The following ACSF3 variants were observed in gnomAD, a reference collection of about 807,000 sequenced individuals.
The protein encoded by ACSF3 is malonate--CoA ligase ACSF3, mitochondrial.
A neutral mutation model predicts 53.2 loss-of-function variants in ACSF3; 78 were observed. That is an observed-to-expected ratio of 1.47 (90% CI 1.22 to 1.77). The LOEUF is 1.77. Ranked by LOEUF, ACSF3 falls within the 40% of genes most tolerant of loss-of-function variation. The pLI is 0.00. For missense variants in ACSF3, 937 were observed against 771.1 expected, an observed-to-expected ratio of 1.22 and a Z score of -2.55; for synonymous variants, 414 against 333.1, an observed-to-expected ratio of 1.24 and a Z score of -2.65.
chr16:89,136,642 T>A (rs895597724), intron 8 of ACSF3: 11 of 1,287,136 alleles, frequency 8.5e-6, no homozygotes, highest in Middle Eastern at 6.5e-4. Flanking sequence ...GAGGCCGGCC[T>A]GCAGCTCCCC....
chr16:89,135,438 G>C (rs920096356), intron 8 of ACSF3, among the ~76,000 whole-genome samples: 1 of 152,248 alleles, frequency 6.6e-6, no homozygotes, highest in East Asian at 1.9e-4. Flanking sequence ...TGAGCCCCTA[G>C]AGCAGAGGCC....
At chr16:89,118,025 G>A (rs1298348835) in intron 6 of ACSF3, among the ~76,000 whole-genome samples, 3 of 106,886 alleles carry the variant, frequency 2.8e-5, no homozygotes, top group Non-Finnish European at 6.0e-5. Flanking sequence ...TCAGGCGCCA[G>A]GGACGTTCCC....
intron 10 of ACSF3, chr16:89,147,536 GA>G (rs1311521880): frequency 5.3e-4 from 47 of 89,236 alleles, no homozygotes; most frequent in Non-Finnish European, 7.3e-4. Context: ...GGGGGGGGGG[GA>G]GGGGCCACAG....
Position 89,155,587 on chromosome 16 carries a change from G to C in ACSF3, c.*1380G>C, listed in dbSNP as rs747512145. The stretch of plus-strand genomic sequence containing the variant: ...TTGTGCATCCCCATGGCCTGACCCC[G>C]GGAACAGTCAGAGGAAGGGGTCCCG... On this transcript the variant is annotated 3_prime_UTR_variant, in exon 11 of 11. Transcript: ENST00000614302. 3 of 454,074 alleles carry C rather than the reference G, an allele frequency of 6.6e-6. No individual in the cohort carries two copies. The highest frequency in any genetic ancestry group is 3.1e-5 in the South Asian group (2 of 64,478). The allele number at this position is 454,074 out of a possible 1,614,324, so 28.1% of individuals were successfully genotyped here.
chr16:89,119,791 C>G (rs1469376998), intron 6 of ACSF3, among the ~76,000 whole-genome samples: 3 of 152,198 alleles, frequency 2.0e-5, no homozygotes, highest in African/African-American at 7.2e-5. Flanking sequence ...TCAGCAAGAC[C>G]GAGCCGGGCA....
intron 7 of ACSF3, among the ~76,000 whole-genome samples, chr16:89,127,870 G>C (rs1908467403): frequency 1.3e-5 from 2 of 152,164 alleles, no homozygotes; most frequent in South Asian, 4.1e-4. Context: ...AGGTTAATAA[G>C]GGAATTCCCA....
At chr16:89,104,117 C>T (rs1024337797) in intron 4 of ACSF3, among the ~76,000 whole-genome samples, 2 of 152,166 alleles carry the variant, frequency 1.3e-5, no homozygotes, top group Non-Finnish European at 2.9e-5. Flanking sequence ...CTTGAGCCCA[C>T]AGGAAGGACA....
chr16:89,123,115 A>G (rs1306718368), intron 7 of ACSF3, among the ~76,000 whole-genome samples: 1 of 152,172 alleles, frequency 6.6e-6, no homozygotes, highest in Non-Finnish European at 1.5e-5. Context: ...CAGTTCAGCC[A>G]AGGAGTCGGT....
At chr16:89,110,066 C>G (rs146176941) in intron 4 of ACSF3, among the ~76,000 whole-genome samples, 1 of 152,270 alleles carries the variant, frequency 6.6e-6, no homozygotes, top group African/African-American at 2.4e-5. Flanking sequence ...CCAACTGCAG[C>G]TTGTCTTTTT....
intron 10 of ACSF3, chr16:89,147,782 C>T (rs920996762): frequency 2.6e-5 from 4 of 152,196 alleles, no homozygotes; most frequent in Admixed American, 2.0e-4. Context: ...TCCCTGGCCC[C>T]TCCCAAATCT....
At chr16:89,096,935 C>T (rs1410929467) in intron 1 of ACSF3, among the ~76,000 whole-genome samples, 1 of 152,260 alleles carries the variant, frequency 6.6e-6, no homozygotes, top group Non-Finnish European at 1.5e-5. Flanking sequence ...CCACAGGCAG[C>T]GCTCTGGATT....
At chr16:89,114,229 G>C (rs1597953639) in intron 5 of ACSF3, 110 bp from the exon 6 acceptor site, 2 of 1,489,760 alleles carry the variant, frequency 1.3e-6, no homozygotes, top group East Asian at 4.7e-5. Flanking sequence ...TCGTGAAGGA[G>C]CTGCCACTTT....
chr16:89,114,200 C>T (rs906624435), intron 5 of ACSF3, 139 bp from the exon 6 acceptor site: 38 of 1,159,004 alleles, frequency 3.3e-5, no homozygotes, highest in Admixed American at 2.9e-4. Flanking sequence ...GCTGTACCCA[C>T]GGCCTGGGGC....
chr16:89,115,487 C>T (rs1027997667), intron 6 of ACSF3, among the ~76,000 whole-genome samples: 2 of 152,250 alleles, frequency 1.3e-5, no homozygotes, highest in African/African-American at 4.8e-5. Context: ...CTGTGTGCGT[C>T]AGAGCCCGCG....
At chr16:89,127,115 T>C (rs2151500547) in intron 7 of ACSF3, among the ~76,000 whole-genome samples, 1 of 151,972 alleles carries the variant, frequency 6.6e-6, no homozygotes, top group South Asian at 2.1e-4. Flanking sequence ...CTGGATTTGA[T>C]TTGCTAGCAT....
chr16:89,111,997 T>C (rs1976726404), intron 4 of ACSF3, 95 bp from the exon 5 acceptor site: 1 of 1,179,756 alleles, frequency 8.5e-7, no homozygotes, highest in Non-Finnish European at 1.3e-6. Flanking sequence ...CTCTTGAATG[T>C]GAACCATGAG....
rs560284480 is a variant in ACSF3, at chr16:89,154,377, C to G, written c.*170C>G. The G allele has an allele frequency of 7.9e-4, 573 of 723,356 alleles. 7 individuals carry two copies. In the South Asian group the frequency reaches 8.0e-3, roughly 10 times the overall value. The allele number at this position is 723,356 out of a possible 1,614,324, so 44.8% of individuals were successfully genotyped here. ...TGAAATCACCATGTGGGGTCCCCAG[C>G]CTCGGGCCAGTTGTTGCAGCTCAAG... On this transcript the variant is annotated 3_prime_UTR_variant, in exon 11 of 11. Coordinates refer to ENST00000614302, the MANE Select transcript of ACSF3 (RefSeq NM_001243279.3).
chr16:89,153,979 C>T, intron 10 of ACSF3, 111 bp from the exon 11 acceptor site: 2 of 1,171,856 alleles, frequency 1.7e-6, no homozygotes, highest in Non-Finnish European at 1.2e-6. Flanking sequence ...GCCGAGGCGC[C>T]TGGCAAGGCT....
intron 7 of ACSF3, among the ~76,000 whole-genome samples, 170 bp from the exon 8 acceptor site, chr16:89,132,965 TC>T (rs2151520191): frequency 6.6e-6 from 1 of 152,338 alleles, no homozygotes; most frequent in South Asian, 2.1e-4. Context: ...ATGGTTGGCT[TC>T]CACCTGTCAA....
Sources: allele counts gnomAD v4.1 joint callset (sites outside exome capture counted in the v4.1 genomes callset), GRCh38; gene constraint gnomAD v4.1.1; transcripts MANE v1.5; gene names NCBI Gene and HGNC (gene_info 2026-07-23, HGNC 2026-07-21).